The following DNMT3A variants were observed in gnomAD, a reference collection of about 807,000 sequenced individuals.
DNMT3A encodes the protein DNA methyltransferase 3 alpha.
In DNMT3A, 267 loss-of-function variants were observed where a neutral mutation model predicts 117.6. The ratio of observed to expected loss-of-function variants is 2.27; its 90% confidence interval spans 2.05 to 2.51. DNMT3A has a LOEUF of 2.51. Among genes scored for constraint, DNMT3A ranks in the 30% most tolerant of loss-of-function variants. The pLI is 0.00. For synonymous variants in DNMT3A, 432 were observed against 474.8 expected (o/e 0.91, Z 1.17); for missense variants, 1,029 against 1,260.2 (o/e 0.82, Z 2.78).
At chr2:25,242,852 T>C (rs1196087388) in intron 16 of DNMT3A, among the ~76,000 whole-genome samples, 3 of 152,140 alleles carry the variant, frequency 2.0e-5, no homozygotes, top group South Asian at 4.1e-4. Context: ...CTAAAGGTTT[T>C]CCTAAGGAGG....
At chr2:25,330,475 AG>A (rs1324449554) in intron 1 of DNMT3A, among the ~76,000 whole-genome samples, 6 of 152,220 alleles carry the variant, frequency 3.9e-5, no homozygotes, top group Non-Finnish European at 8.8e-5. Context: ...GATGCTTCAA[AG>A]GTCTCCCCAG....
intron 3 of DNMT3A, among the ~76,000 whole-genome samples, chr2:25,289,136 G>A (rs1323042147): frequency 1.1e-4 from 16 of 147,158 alleles, no homozygotes; most frequent in South Asian, 2.1e-4. Flanking sequence ...ACCGAGTCTC[G>A]CTCTGTTGCC....
intron 6 of DNMT3A, among the ~76,000 whole-genome samples, chr2:25,269,699 T>TA (rs2030695363): frequency 6.6e-6 from 1 of 152,104 alleles, no homozygotes; most frequent in Non-Finnish European, 1.5e-5. Flanking sequence ...GCTTAGTCCT[T>TA]ACAGGACTAG....
In DNMT3A at chr2:25,246,220, G is replaced by A. The variant is rs2149300174; in HGVS notation, c.1369C>T (p.Pro457Ser). 1 of 1,614,162 alleles carries A rather than the reference G, an allele frequency of 6.2e-7. No individual in the cohort carries two copies. The highest frequency in any genetic ancestry group is 8.5e-7 in the Non-Finnish European group (1 of 1,180,018). Residue 457 changes from proline to serine, a missense_variant, in exon 11 of 23, where the codon CCC (proline) becomes TCC (serine). By Grantham distance (74) the Pro-to-Ser change is moderately conservative. Coordinates refer to ENST00000321117, the MANE Select transcript of DNMT3A (RefSeq NM_022552.5). The part of the protein sequence containing the change: ...AYAPPPPAKK[P>S]RKSTAEKPKV... Reference sequence around the variant, plus strand: ...GGCTTCTCCGCTGTGCTCTTCCGGGGCTTTTTGGCTGGTGGAGGTGGTGCG... The same window carrying A: ...GGCTTCTCCGCTGTGCTCTTCCGGGACTTTTTGGCTGGTGGAGGTGGTGCG...
chr2:25,277,434 G>T (rs962399588), intron 4 of DNMT3A, among the ~76,000 whole-genome samples: 1 of 152,074 alleles, frequency 6.6e-6, no homozygotes, highest in Non-Finnish European at 1.5e-5. Flanking sequence ...GTGGCGGCCT[G>T]GGGGCGGCCT....
rs1490632588 is a variant in DNMT3A, at chr2:25,247,154, CA to C, written c.1018del (p.Cys340ValfsTer5). 6.2e-7 allele frequency: 1 copy of C among 1,613,936 alleles called. No individual in the cohort carries two copies. Among genetic ancestry groups the C allele is most frequent in the Non-Finnish European group, 8.5e-7 (1 of 1,179,918 alleles). ...GCTCAGCGGCATCAGCTTCTCAACA[CA>C]CACCTGGGGGGACAAGCCAGGCCTT... ...WFGDGKFSVVCVEKLMPLSSF... is the reference protein window; with the variant it reads ...WFGDGKFSVVXVEKLMPLSSF... On this transcript the variant is annotated frameshift_variant, in exon 9 of 23. Transcript: ENST00000321117. LOFTEE classifies it high-confidence loss of function. The surrounding 1 kb of genome is among the most constrained non-coding windows in gnomAD (Gnocchi z 5.6).
chr2:25,266,573 C>A (rs901063927), intron 6 of DNMT3A, among the ~76,000 whole-genome samples: 6 of 152,190 alleles, frequency 3.9e-5, no homozygotes, highest in South Asian at 2.1e-4. Flanking sequence ...TCTGGACATT[C>A]ATGGCCTGCT....
intron 6 of DNMT3A, among the ~76,000 whole-genome samples, chr2:25,260,482 G>GC (rs1249100345): frequency 6.7e-6 from 1 of 149,156 alleles, no homozygotes; most frequent in East Asian, 1.9e-4. Flanking sequence ...GTTTTTTTTT[G>GC]CCCCACAAAG....
At chr2:25,340,796 C>G (rs1417419878) in intron 1 of DNMT3A, among the ~76,000 whole-genome samples, 1 of 150,348 alleles carries the variant, frequency 6.7e-6, no homozygotes, top group African/African-American at 2.4e-5. Flanking sequence ...CCGGGCGTAC[C>G]CCCCCTGCGC....
In DNMT3A at chr2:25,286,942, T is replaced by A. The variant is rs1439162842; in HGVS notation, c.178-4231A>T. Reference sequence around the variant, plus strand: ...TGGAGGGCAGAGACTTTGCTCGATCTGGAGGGCAGAGACTTTGCTCGATCC... The same window carrying A: ...TGGAGGGCAGAGACTTTGCTCGATCAGGAGGGCAGAGACTTTGCTCGATCC... On this transcript the variant is annotated intron_variant, in intron 3 of 22. Transcript: ENST00000321117. This position sits in a 1 kb window ranked among gnomAD's most constrained non-coding sequence, Gnocchi z 4.3. Among the ~76,000 whole-genome samples, 3 of 152,174 alleles carry A rather than the reference T, an allele frequency of 2.0e-5. No homozygotes were observed. Among genetic ancestry groups the A allele is most frequent in the African/African-American group, 7.2e-5 (3 of 41,444 alleles).
chr2:25,319,714 C>T (rs902784964), intron 1 of DNMT3A, among the ~76,000 whole-genome samples: 2 of 152,088 alleles, frequency 1.3e-5, no homozygotes, highest in Admixed American at 6.5e-5. Context: ...ACACAGGTAT[C>T]GCTCGTGGCC....
At position 25,248,162 on chromosome 2, in the gene DNMT3A, G is replaced by T. The variant is rs761056829; in HGVS notation, c.730C>A (p.Pro244Thr). The part of the protein sequence containing the change: ...GESQKVEEAS[P>T]PAVQQPTDPA... ...TCAGTGGGCTGCTGCACAGCAGGAGGGCTGGCCTCCTCCACCTTCTGAGAC... is the reference window on the plus strand; with the variant it reads ...TCAGTGGGCTGCTGCACAGCAGGAGTGCTGGCCTCCTCCACCTTCTGAGAC... Residue 244 changes from proline (P) to threonine (T), a missense_variant, in exon 7 of 23, where the codon CCT becomes ACT. Pro to Thr is a conservative substitution (Grantham distance 38). Transcript: ENST00000321117. 2 of 1,613,860 alleles carry T rather than the reference G, an allele frequency of 1.2e-6. No individual in the cohort carries two copies. The highest frequency in any genetic ancestry group is 1.7e-6 in the Non-Finnish European group (2 of 1,179,950).
intron 4 of DNMT3A, among the ~76,000 whole-genome samples, chr2:25,276,811 G>C (rs915020077): frequency 4.6e-5 from 7 of 152,200 alleles, no homozygotes; most frequent in Non-Finnish European, 8.8e-5. Context: ...AGCTTGGGGT[G>C]GGGGGAGACA....
At position 25,234,092 on chromosome 2, in the gene DNMT3A, C is replaced by T; in HGVS notation, c.*187G>A. 2.3e-6 allele frequency: 2 copies of T among 859,948 alleles called. No individual in the cohort carries two copies. Among genetic ancestry groups the T allele is most frequent in the Non-Finnish European group, 1.7e-6 (1 of 603,130 alleles). The allele number at this position is 859,948 out of a possible 1,614,324, so 53.3% of individuals were successfully genotyped here. A position where few individuals can be genotyped will look rare whatever the true frequency, so the allele number is the denominator to read the frequency against. ...ACATTGAAAAATCAGGAGATGATGT[C>T]CAACCCTTTTCGCAAGGCAAAGCCC... On this transcript the variant is annotated 3_prime_UTR_variant, in exon 23 of 23. Transcript: ENST00000321117. The surrounding 1 kb of genome is among the most constrained non-coding windows in gnomAD (Gnocchi z 4.5).
At chr2:25,249,611 G>A in intron 6 of DNMT3A, 1 of 1,611,556 alleles carries the variant, frequency 6.2e-7, no homozygotes, top group South Asian at 1.1e-5. Context: ...AAATTAATAA[G>A]CCAAACCCCA....
intron 6 of DNMT3A, among the ~76,000 whole-genome samples, chr2:25,266,370 C>T (rs2030347885): frequency 6.6e-6 from 1 of 152,202 alleles, no homozygotes; most frequent in Admixed American, 6.5e-5. Flanking sequence ...GCTTCCCATA[C>T]AGTTGGCTAA....
At chr2:25,256,009 A>C (rs1282043592) in intron 6 of DNMT3A, among the ~76,000 whole-genome samples, 1 of 152,164 alleles carries the variant, frequency 6.6e-6, no homozygotes, top group East Asian at 1.9e-4. Context: ...CTGTCATCCC[A>C]CCAGGACATT....
upstream of DNMT3A, chr2:25,341,941 C>G: frequency 4.1e-6 from 4 of 979,468 alleles, no homozygotes; most frequent in Non-Finnish European, 4.8e-6. Context: ...CCCTCCCTCC[C>G]GGCCCGCCTG....
chr2:25,312,111 G>C (rs1033569281), intron 2 of DNMT3A, among the ~76,000 whole-genome samples: 1 of 152,120 alleles, frequency 6.6e-6, no homozygotes, highest in East Asian at 1.9e-4. Context: ...TCAGGACATC[G>C]GACCCAGAGT....
Sources: gnomAD v4.1 joint callset for allele counts (sites outside exome capture counted in the v4.1 genomes callset) on GRCh38, gnomAD v4.1.1 for gene constraint, Gnocchi (gnomAD v3.1) non-coding constraint, MANE v1.5 for transcripts, NCBI Gene and HGNC (gene_info 2026-07-23, HGNC 2026-07-21) for gene names.